The following PAQR5 variants were observed in gnomAD, a reference collection of about 807,000 sequenced individuals.
PAQR5 encodes membrane progestin receptor gamma.
Under a neutral mutation model 34.5 loss-of-function variants are expected in PAQR5, and 20 were observed. The observed-to-expected ratio is 0.58, with a 90% CI of 0.41 to 0.84. The LOEUF is 0.84. Among genes scored for constraint, PAQR5 ranks in the 40% least tolerant of loss-of-function variants. The probability of loss-of-function intolerance (pLI) is 0.00; values close to 1 mark genes in which losing one functional copy is unlikely to be tolerated. For synonymous variants in PAQR5, 131 were observed against 155.6 expected (o/e 0.84, Z 1.18); for missense variants, 378 against 412.7 (o/e 0.92, Z 0.73).
intron 1 of PAQR5, among the ~76,000 whole-genome samples, chr15:69,311,038 CAAAAAATAAA>C (rs1343848693): frequency 2.2e-4 from 8 of 36,148 alleles, no homozygotes; most frequent in South Asian, 4.0e-3. Context: ...GACTCCGTCG[CAAAAAATAAA>C]AAAAAAAAAA....
chr15:69,403,581 G>T lies in PAQR5; in HGVS notation c.752G>T (p.Gly251Val). 1.2e-6 allele frequency: 2 copies of T among 1,613,858 alleles called. No individual in the cohort carries two copies. Among genetic ancestry groups the T allele is most frequent in the Non-Finnish European group, 1.7e-6 (2 of 1,179,838 alleles). Residue 251 changes from glycine (G) to valine (V), a missense_variant and splice_region_variant, in exon 9 of 9, where the codon GGT (glycine) becomes GTT (valine). Gly to Val is a moderately radical substitution (Grantham distance 109). Coordinates refer to ENST00000395407, the MANE Select transcript of PAQR5 (RefSeq NM_017705.4). Reference sequence around the variant, plus strand: ...TGACGGCCTTTTGTGTTTGCCATAGGTCACAGTCACCAGCTGTTTCACGTG... The same window carrying T: ...TGACGGCCTTTTGTGTTTGCCATAGTTCACAGTCACCAGCTGTTTCACGTG... ...RLAPGRFDYI[G>V]HSHQLFHVCV...
chr15:69,343,213 T>C (rs537589033), intron 2 of PAQR5, among the ~76,000 whole-genome samples: 2 of 152,318 alleles, frequency 1.3e-5, no homozygotes, highest in East Asian at 3.9e-4. Context: ...GACTATGAGT[T>C]GAGTATTTTG....
chr15:69,311,761 C>T (rs1566992028), intron 1 of PAQR5, among the ~76,000 whole-genome samples: 1 of 152,216 alleles, frequency 6.6e-6, no homozygotes, highest in East Asian at 1.9e-4. Context: ...CTGGTGATTC[C>T]CCTGCAGCCA....
At chr15:69,397,949 C>A in intron 7 of PAQR5, 1 of 223,402 alleles carries the variant, frequency 4.5e-6, no homozygotes, top group Non-Finnish European at 8.9e-6. Flanking sequence ...ACTGGGGGCT[C>A]GGGAACGTCA....
intron 6 of PAQR5, among the ~76,000 whole-genome samples, chr15:69,395,652 T>G (rs957773763): frequency 1.3e-5 from 2 of 152,172 alleles, no homozygotes; most frequent in Non-Finnish European, 2.9e-5. Flanking sequence ...CAAAGGTTAG[T>G]GACCTGCCGA....
At chr15:69,358,224 T>C (rs1385494858) in intron 2 of PAQR5, among the ~76,000 whole-genome samples, 1 of 152,192 alleles carries the variant, frequency 6.6e-6, no homozygotes, top group Admixed American at 6.5e-5. Context: ...TGGGTCTCTG[T>C]GGTGCACATT....
At chr15:69,400,299 G>T (rs2056584891) in intron 8 of PAQR5, among the ~76,000 whole-genome samples, 184 bp downstream of exon 8, 1 of 152,220 alleles carries the variant, frequency 6.6e-6, no homozygotes, top group Non-Finnish European at 1.5e-5. Context: ...AGGTAGCATG[G>T]GCAGGATGGA....
chr15:69,326,586 G>A (rs1046113710), intron 1 of PAQR5, among the ~76,000 whole-genome samples: 5 of 152,184 alleles, frequency 3.3e-5, no homozygotes, highest in East Asian at 1.9e-4. Flanking sequence ...ACAGGTGCCC[G>A]CCACCACATC....
Position 69,402,355 on chromosome 15 carries a change from T to C in PAQR5, c.752-1226T>C, listed in dbSNP as rs576618487. ...TTTTTTGAGACGGAGTCTCGCTCTG[T>C]CGCCTAGGCTGGAGTGCAGTGGCAT... On this transcript the variant is annotated intron_variant, in intron 8 of 8. Coordinates refer to ENST00000395407, the MANE Select transcript of PAQR5 (RefSeq NM_017705.4). Among the ~76,000 whole-genome samples, 4 of 152,082 alleles carry C rather than the reference T, an allele frequency of 2.6e-5. No homozygotes were observed. The South Asian group carries it at 8.3e-4, about 32-fold the overall frequency.
chr15:69,340,688 C>G (rs1171789826), intron 2 of PAQR5, among the ~76,000 whole-genome samples: 1 of 152,162 alleles, frequency 6.6e-6, no homozygotes, highest in Non-Finnish European at 1.5e-5. Flanking sequence ...CCTTCCAACT[C>G]TAGGACCCAT....
intron 7 of PAQR5, among the ~76,000 whole-genome samples, chr15:69,399,039 T>C (rs1015393516): frequency 6.6e-6 from 1 of 152,236 alleles, no homozygotes; most frequent in Non-Finnish European, 1.5e-5. Flanking sequence ...GTAAGAGGCC[T>C]GGCCTGCTGC....
At chr15:69,334,028 G>A (rs962108728) in intron 1 of PAQR5, among the ~76,000 whole-genome samples, 3 of 151,956 alleles carry the variant, frequency 2.0e-5, no homozygotes, top group Non-Finnish European at 4.4e-5. Context: ...AAATAAAGAC[G>A]GTTTTTTTGT....
At chr15:69,348,479 A>C (rs2054828922) in intron 2 of PAQR5, among the ~76,000 whole-genome samples, 1 of 152,122 alleles carries the variant, frequency 6.6e-6, no homozygotes, top group African/African-American at 2.4e-5. Flanking sequence ...GGCTGAGGTG[A>C]GGGTGAATGA....
intron 1 of PAQR5, among the ~76,000 whole-genome samples, chr15:69,311,477 G>A (rs2140544535): frequency 6.6e-6 from 1 of 152,310 alleles, no homozygotes; most frequent in African/African-American, 2.4e-5. Flanking sequence ...CACAGGGCAA[G>A]CAATCAGCCC....
At chr15:69,400,448 C>G (rs528133319) in intron 8 of PAQR5, among the ~76,000 whole-genome samples, 4 of 152,122 alleles carry the variant, frequency 2.6e-5, no homozygotes, top group Non-Finnish European at 5.9e-5. Flanking sequence ...AATCCCAGCA[C>G]GTTGGGAGGC....
intron 2 of PAQR5, among the ~76,000 whole-genome samples, chr15:69,350,159 C>T (rs1052768932): frequency 2.6e-5 from 4 of 152,238 alleles, no homozygotes; most frequent in Non-Finnish European, 4.4e-5. Flanking sequence ...TGGCGGCACT[C>T]AGCTCCAACG....
chr15:69,325,516 C>T (rs2140634648), intron 1 of PAQR5, among the ~76,000 whole-genome samples: 1 of 152,332 alleles, frequency 6.6e-6, no homozygotes, highest in African/African-American at 2.4e-5. Context: ...ACTGTTGTGT[C>T]TGCTTCTTCA....
chr15:69,404,712 C>A lies in PAQR5; in HGVS notation c.*890C>A, dbSNP rs2056728896. ...TTGCTTCAGCATTTCAAATATGTTG[C>A]AAAATTTAGTATCCATATGCATAAG... On this transcript the variant is annotated 3_prime_UTR_variant, in exon 9 of 9. Transcript: ENST00000395407. The A allele has an allele frequency of 2.6e-6, 1 of 380,718 alleles. No homozygotes were observed. The highest frequency in any genetic ancestry group is 4.5e-5 in the Admixed American group (1 of 22,228). The allele number at this position is 380,718 out of a possible 1,614,324, so 23.6% of individuals were successfully genotyped here.
At chr15:69,382,410 G>A (rs538971729) in intron 4 of PAQR5, among the ~76,000 whole-genome samples, 1 of 152,124 alleles carries the variant, frequency 6.6e-6, no homozygotes, top group East Asian at 1.9e-4. Context: ...ACTCTGGGAG[G>A]CTGAGGCAGG....
Sources: gnomAD v4.1 joint callset for allele counts (sites outside exome capture counted in the v4.1 genomes callset) on GRCh38, gnomAD v4.1.1 for gene constraint, MANE v1.5 for transcripts, NCBI Gene and HGNC (gene_info 2026-07-23, HGNC 2026-07-21) for gene names.